The following GCNT2 variants were observed in gnomAD, a reference collection of about 807,000 sequenced individuals.
GCNT2 encodes glucosaminyl (N-acetyl) transferase 2 (I blood group).
GCNT2 carries 34 observed loss-of-function variants against 34.2 expected under a neutral mutation model. The ratio of observed to expected loss-of-function variants is 1.00; its 90% CI spans 0.76 to 1.32. GCNT2 has a LOEUF of 1.32. Among genes scored for constraint, GCNT2 ranks in the 40% most tolerant of loss-of-function variants. GCNT2 has a pLI of 0.00. For synonymous variants in GCNT2, 212 were observed against 188.0 expected (o/e 1.13, Z -1.04); for missense variants, 584 against 489.4 (o/e 1.19, Z -1.82).
chr6:10,626,649 G>A lies in GCNT2; in HGVS notation c.*42G>A, dbSNP rs774335540. 19 of 1,443,156 alleles carry A rather than the reference G, an allele frequency of 1.3e-5. No homozygotes were observed. The highest frequency in any genetic ancestry group is 1.8e-5 in the Non-Finnish European group (18 of 1,024,838). The allele number at this position is 1,443,156 out of a possible 1,614,324, so 89.4% of individuals were successfully genotyped here. A position where few individuals can be genotyped will look rare whatever the true frequency, so the allele number is the denominator to read the frequency against. ...TCATGACTGAAGGGAAACTGCAGCTGGGAAGAGGAGCCTGTTTTTGTGAGA... is the reference window on the plus strand; with the variant it reads ...TCATGACTGAAGGGAAACTGCAGCTAGGAAGAGGAGCCTGTTTTTGTGAGA... On this transcript the variant is annotated 3_prime_UTR_variant, in exon 5 of 5. Transcript: ENST00000495262.
Position 10,529,287 on chromosome 6 carries a change from G to A in GCNT2, c.376G>A (p.Val126Met), listed in dbSNP as rs751370275. Residue 126 changes from valine (V) to methionine (M), a missense_variant, in exon 3 of 5, where the codon GTG becomes ATG. Transcript: ENST00000495262. ...AIYMPQNVYC[V>M]HLDQKATDAF... ...TTATATGCCCCAAAATGTCTACTGT[G>A]TGCACCTGGATCAGAAGGCGACGGA... 37 of 1,614,048 alleles carry A rather than the reference G, an allele frequency of 2.3e-5. No individual in the cohort carries two copies. The African/African-American group carries it at 4.5e-4, about 20-fold the overall frequency.
chr6:10,546,689 A>G (rs904855199), intron 3 of GCNT2, among the ~76,000 whole-genome samples: 1 of 152,162 alleles, frequency 6.6e-6, no homozygotes, highest in African/African-American at 2.4e-5. Context: ...TTACTCTTTG[A>G]AGATCTATAA....
chr6:10,562,656 G>GAAAA (rs57868433), intron 3 of GCNT2, among the ~76,000 whole-genome samples: 9 of 77,516 alleles, frequency 1.2e-4, no homozygotes, highest in Admixed American at 1.5e-4. Context: ...GAACTTCTCT[G>GAAAA]AAAAAAAAAA....
intron 3 of GCNT2, among the ~76,000 whole-genome samples, chr6:10,560,820 A>C (rs561461107): frequency 1.4e-4 from 21 of 152,234 alleles, no homozygotes; most frequent in Non-Finnish European, 2.8e-4. Flanking sequence ...ACACTGTTAG[A>C]AATGGTGATA....
chr6:10,622,878 C>G (rs967787392), intron 4 of GCNT2, among the ~76,000 whole-genome samples: 1 of 151,502 alleles, frequency 6.6e-6, no homozygotes, highest in South Asian at 2.1e-4. Flanking sequence ...CCTCAGCCTC[C>G]CAAGTAGCTG....
chr6:10,526,124 T>C (rs1436937274), intron 1 of GCNT2, among the ~76,000 whole-genome samples: 1 of 152,212 alleles, frequency 6.6e-6, no homozygotes, highest in Non-Finnish European at 1.5e-5. Context: ...TCAGAAAAGA[T>C]TGATTTTGTA....
At chr6:10,591,935 C>T (rs1008565587) in intron 3 of GCNT2, among the ~76,000 whole-genome samples, 1 of 152,202 alleles carries the variant, frequency 6.6e-6, no homozygotes, top group African/African-American at 2.4e-5. Context: ...CTGAATCAGT[C>T]CCAGTCTTTT....
intron 3 of GCNT2, among the ~76,000 whole-genome samples, chr6:10,583,840 T>A (rs190383636): frequency 2.3e-4 from 35 of 152,272 alleles, no homozygotes; most frequent in Middle Eastern, 3.4e-3. Context: ...CAGCTCAAGT[T>A]ATCTGAAGCT....
At chr6:10,571,956 T>C (rs1456544418) in intron 3 of GCNT2, among the ~76,000 whole-genome samples, 1 of 152,212 alleles carries the variant, frequency 6.6e-6, no homozygotes, top group Non-Finnish European at 1.5e-5. Context: ...CACTGATAGT[T>C]ATTGTATGTC....
chr6:10,608,524 C>A (rs191596172), intron 3 of GCNT2, among the ~76,000 whole-genome samples: 1 of 152,192 alleles, frequency 6.6e-6, no homozygotes, highest in East Asian at 1.9e-4. Flanking sequence ...TAAATCTTTG[C>A]GAGCTTGATA....
chr6:10,621,549 GACCAA>G, intron 4 of GCNT2, 106 bp downstream of exon 4: 1 of 749,360 alleles, frequency 1.3e-6, no homozygotes, highest in South Asian at 1.5e-5. Context: ...GCTATATTTA[GACCAA>G]TCTGTTAGTT....
At chr6:10,554,517 A>G (rs1281778580) in intron 3 of GCNT2, among the ~76,000 whole-genome samples, 2 of 152,316 alleles carry the variant, frequency 1.3e-5, no homozygotes, top group East Asian at 1.9e-4. Flanking sequence ...CTGTTGCCCA[A>G]ATTAAGTTAT....
At chr6:10,555,997 T>C in intron 3 of GCNT2, 1 of 1,098,074 alleles carries the variant, frequency 9.1e-7, no homozygotes, top group Non-Finnish European at 1.1e-6. Context: ...TCACTTCAAC[T>C]CTGGCTTTCA....
At chr6:10,594,103 C>G (rs530261958) in intron 3 of GCNT2, among the ~76,000 whole-genome samples, 52 of 152,344 alleles carry the variant, frequency 3.4e-4, no homozygotes, top group African/African-American at 1.2e-3. Flanking sequence ...TCTGCAGGTC[C>G]TGTTAAAGCA....
In GCNT2 at chr6:10,556,380, TAC is replaced by T. The variant is rs756232038; in HGVS notation, c.925+26546_925+26547del. 11 of 1,611,822 alleles carry T rather than the reference TAC, an allele frequency of 6.8e-6. 1 individual carries two copies. Among genetic ancestry groups the T allele is most frequent in the African/African-American group, 4.0e-5 (3 of 74,890 alleles). On this transcript the variant is annotated intron_variant, in intron 3 of 4. Coordinates refer to ENST00000495262, the MANE Select transcript of GCNT2 (RefSeq NM_145649.5). ...AACGAGTGAGTTTGGAAAAAAGACT[TAC>T]AGATTTTGACGGTCTCTTGACATTT...
chr6:10,564,392 C>T (rs2127388932), intron 3 of GCNT2, among the ~76,000 whole-genome samples: 1 of 152,322 alleles, frequency 6.6e-6, no homozygotes, highest in South Asian at 2.1e-4. Context: ...TTAGCTCAGA[C>T]CTGCGGGCTG....
intron 3 of GCNT2, among the ~76,000 whole-genome samples, chr6:10,560,074 C>T (rs1240017232): frequency 6.6e-6 from 1 of 152,118 alleles, no homozygotes; most frequent in African/African-American, 2.4e-5. Context: ...AACCACACAG[C>T]CGTTAATCAA....
chr6:10,551,442 TATTA>T (rs1447431808), intron 3 of GCNT2, among the ~76,000 whole-genome samples: 2 of 142,118 alleles, frequency 1.4e-5, no homozygotes, highest in Non-Finnish European at 3.0e-5. Context: ...TTATTATTAT[TATTA>T]ATTTATTTTT....
At chr6:10,533,804 A>G in intron 3 of GCNT2, among the ~76,000 whole-genome samples, 1 of 73,336 alleles carries the variant, frequency 1.4e-5, no homozygotes, top group Non-Finnish European at 3.3e-5. Flanking sequence ...CTGTCTCAAA[A>G]AAAAAAAAAA....
Sources: gnomAD v4.1 joint callset for allele counts (sites outside exome capture counted in the v4.1 genomes callset) on GRCh38, gnomAD v4.1.1 for gene constraint, MANE v1.5 for transcripts, NCBI Gene and HGNC (gene_info 2026-07-23, HGNC 2026-07-21) for gene names.